Variants in ADGRG6 observed in about 807,000 individuals in gnomAD.
The protein encoded by ADGRG6 is G-protein coupled receptor 126.
A neutral mutation model predicts 142.4 loss-of-function variants in ADGRG6; 84 were observed. The ratio of observed to expected loss-of-function variants is 0.59; its 90% CI spans 0.49 to 0.71. The LOEUF is 0.71. ADGRG6 is among the 30% of genes least tolerant of loss of function. The probability of loss-of-function intolerance (pLI) is 0.00; values close to 1 mark genes in which losing one functional copy is unlikely to be tolerated. For missense variants in ADGRG6, 1,367 were observed against 1,466.6 expected (o/e 0.93, Z 1.11); for synonymous variants, 521 against 520.5 (o/e 1.00, Z -0.01).
Position 142,413,749 on chromosome 6 carries a change from C to T in ADGRG6, c.2542-1220C>T, listed in dbSNP as rs1776210886. Among the ~76,000 whole-genome samples, 3 of 152,120 alleles carry T rather than the reference C, an allele frequency of 2.0e-5. No homozygotes were observed. The South Asian group carries it at 6.2e-4, about 32-fold the overall frequency. On this transcript the variant is annotated intron_variant, in intron 18 of 24. Transcript: ENST00000367609. ...GTTCTCCCAGTGTTTTAAGGGATTC[C>T]TGGGATAAGAAGATAGGGGGAGCCC...
At chr6:142,395,143 T>C (rs919778756) in intron 9 of ADGRG6, among the ~76,000 whole-genome samples, 4 of 152,160 alleles carry the variant, frequency 2.6e-5, no homozygotes, top group African/African-American at 9.7e-5. Context: ...CATTTTTGTA[T>C]ACATAGTAAA....
chr6:142,373,418 C>T (rs1447006987), intron 4 of ADGRG6, among the ~76,000 whole-genome samples: 1 of 134,304 alleles, frequency 7.4e-6, no homozygotes, highest in Non-Finnish European at 1.6e-5. Context: ...CACAATACTT[C>T]CTGGATACCT....
At chr6:142,394,548 GGT>G (rs1302003258) in intron 9 of ADGRG6, among the ~76,000 whole-genome samples, 1 of 151,322 alleles carries the variant, frequency 6.6e-6, no homozygotes, top group African/African-American at 2.4e-5. Context: ...GTTGTATTTA[GGT>G]TATTCAGGTC....
At chr6:142,350,712 C>T (rs1483320160) in intron 2 of ADGRG6, among the ~76,000 whole-genome samples, 2 of 152,162 alleles carry the variant, frequency 1.3e-5, no homozygotes, top group East Asian at 3.9e-4. Context: ...TTATCATGAT[C>T]AGTGGGAGGA....
intron 2 of ADGRG6, among the ~76,000 whole-genome samples, chr6:142,314,659 G>A (rs992860302): frequency 3.3e-4 from 50 of 152,146 alleles, no homozygotes; most frequent in African/African-American, 9.7e-5. Context: ...AAAAATGGAT[G>A]TAGAGAAATG....
intron 2 of ADGRG6, among the ~76,000 whole-genome samples, chr6:142,343,169 G>GT (rs1271180246): frequency 6.6e-6 from 1 of 151,416 alleles, no homozygotes; most frequent in Non-Finnish European, 1.5e-5. Context: ...TGCTTTTCCT[G>GT]TTTTTTTGTT....
At chr6:142,318,197 A>T (rs1319103678) in intron 2 of ADGRG6, among the ~76,000 whole-genome samples, 3 of 45,320 alleles carry the variant, frequency 6.6e-5, no homozygotes, top group Non-Finnish European at 1.2e-4. Context: ...TTATATATTT[A>T]TATTATATAT....
intron 2 of ADGRG6, among the ~76,000 whole-genome samples, chr6:142,363,752 T>A (rs1164392294): frequency 6.6e-6 from 1 of 152,128 alleles, no homozygotes; most frequent in Non-Finnish European, 1.5e-5. Flanking sequence ...ATCAAAGTAA[T>A]TACTTACTAG....
intron 2 of ADGRG6, among the ~76,000 whole-genome samples, chr6:142,346,350 C>T (rs191398658): frequency 7.9e-5 from 12 of 152,228 alleles, no homozygotes; most frequent in Non-Finnish European, 1.5e-4. Flanking sequence ...TTCTAACTTG[C>T]GTGAGATGTT....
intron 22 of ADGRG6, among the ~76,000 whole-genome samples, chr6:142,436,055 C>A (rs1390223312): frequency 1.3e-5 from 2 of 152,108 alleles, no homozygotes; most frequent in African/African-American, 4.8e-5. Context: ...TGAGATGCTG[C>A]CAAGGGGAGA....
chr6:142,351,181 G>T (rs143323863), intron 2 of ADGRG6, among the ~76,000 whole-genome samples: 1 of 152,016 alleles, frequency 6.6e-6, no homozygotes, highest in Non-Finnish European at 1.5e-5. Flanking sequence ...GCAGTGAGCC[G>T]AGATTGCGCC....
At chr6:142,382,847 A>G (rs1051118452) in intron 5 of ADGRG6, among the ~76,000 whole-genome samples, 2 of 152,192 alleles carry the variant, frequency 1.3e-5, no homozygotes, top group Non-Finnish European at 2.9e-5. Context: ...TTGAAGAAAT[A>G]AAAACCTAAG....
chr6:142,398,738 C>G lies in ADGRG6; in HGVS notation c.1567+983C>G, dbSNP rs75513584. Reference sequence around the variant, plus strand: ...CTCCTAAGTCAGCTCTTCTTTGGAACCTTTTCTGAAATAAAGTATAGACAT... The same window carrying G: ...CTCCTAAGTCAGCTCTTCTTTGGAAGCTTTTCTGAAATAAAGTATAGACAT... On this transcript the variant is annotated intron_variant, in intron 10 of 24. Coordinates refer to ENST00000367609, the MANE Select transcript of ADGRG6 (RefSeq NM_198569.3). Among the ~76,000 whole-genome samples the G allele has an allele frequency of 3.3e-3, 502 of 152,208 alleles. 2 individuals carry two copies. The highest frequency in any genetic ancestry group is 0.011 in the African/African-American group (464 of 41,542).
intron 10 of ADGRG6, among the ~76,000 whole-genome samples, chr6:142,400,263 A>G (rs981593495): frequency 6.6e-6 from 1 of 152,142 alleles, no homozygotes; most frequent in Admixed American, 6.6e-5. Context: ...GGTTTTGTCC[A>G]ATGTAATGAT....
chr6:142,329,451 C>T (rs1778934077), intron 2 of ADGRG6, among the ~76,000 whole-genome samples: 5 of 152,180 alleles, frequency 3.3e-5, no homozygotes, highest in African/African-American at 1.2e-4. Flanking sequence ...CTAATATTTT[C>T]ACTTTTGAAA....
rs1437324755 is a variant in ADGRG6, at chr6:142,370,326, C to G, written c.602C>G (p.Ala201Gly). Reference protein sequence around the residue: ...KVGHEDSDWTAFSYSNASFTQ... With the variant: ...KVGHEDSDWTGFSYSNASFTQ... ...GGCCATGAAGACAGTGATTGGACAG[C>G]TTTCTCCTACTCAAATGCATCCTTC... Residue 201 changes from alanine to glycine, a missense_variant, in exon 4 of 25, where the codon GCT becomes GGT. Physicochemically the swap from Ala to Gly is moderately conservative, Grantham distance 60. Coordinates refer to ENST00000367609, the MANE Select transcript of ADGRG6 (RefSeq NM_198569.3). 6.2e-7 allele frequency: 1 copy of G among 1,613,764 alleles called. No homozygotes were observed.
At chr6:142,310,753 G>A (rs1460210139) in intron 2 of ADGRG6, among the ~76,000 whole-genome samples, 1 of 151,682 alleles carries the variant, frequency 6.6e-6, no homozygotes, top group Admixed American at 6.6e-5. Context: ...TTGTGTGTGT[G>A]TTTGTTAGAA....
chr6:142,343,628 C>A (rs1779764145), intron 2 of ADGRG6, among the ~76,000 whole-genome samples: 1 of 151,482 alleles, frequency 6.6e-6, no homozygotes, highest in South Asian at 2.1e-4. Context: ...AACATTAGAA[C>A]AATATATAGG....
At chr6:142,428,037 T>C (rs1447890955) in intron 22 of ADGRG6, among the ~76,000 whole-genome samples, 2 of 152,160 alleles carry the variant, frequency 1.3e-5, no homozygotes, top group South Asian at 2.1e-4. Context: ...TTTTGATAGA[T>C]TTCTTGTCAC....
Sources: gnomAD v4.1 joint callset for allele counts (sites outside exome capture counted in the v4.1 genomes callset) on GRCh38, gnomAD v4.1.1 for gene constraint, MANE v1.5 for transcripts, NCBI Gene and HGNC (gene_info 2026-07-23, HGNC 2026-07-21) for gene names.